TUFT1: variants seen among roughly 807,000 people sequenced by gnomAD.
TUFT1 encodes the protein tuftelin.
A neutral mutation model predicts 57.8 loss-of-function variants in TUFT1; 43 were observed. The ratio of observed to expected loss-of-function variants is 0.74; its 90% CI spans 0.58 to 0.96. The LOEUF (loss-of-function observed/expected upper bound fraction) is 0.96, where lower values mean the gene tolerates loss of function less well. Ranked by LOEUF, TUFT1 falls within the 40% of genes least tolerant of loss-of-function variation. TUFT1 has a pLI of 0.00. For synonymous variants in TUFT1, 166 were observed against 176.7 expected (o/e 0.94, Z 0.48); for missense variants, 459 against 489.0 (o/e 0.94, Z 0.58).
In TUFT1 at chr1:151,581,821, A is replaced by AGG; in HGVS notation, c.*115_*116dup. 8.9e-7 allele frequency: 1 copy of AGG among 1,123,442 alleles called. No individual in the cohort carries two copies. The highest frequency in any genetic ancestry group is 1.3e-6 in the Non-Finnish European group (1 of 756,224). 69.6% of individuals were successfully genotyped at this position (1,123,442 alleles called of 1,614,324 possible). A position where few individuals can be genotyped will look rare whatever the true frequency, so the allele number is the denominator to read the frequency against. ...TCCTGACTGTCCCCTGGCTGCACCC[A>AGG]GGACTTCGGGCTCCTGTGTCTCACC... On this transcript the variant is annotated 3_prime_UTR_variant, in exon 13 of 13. Transcript: ENST00000368849.
At chr1:151,552,298 G>C (rs1241071874) in intron 1 of TUFT1, among the ~76,000 whole-genome samples, 1 of 152,154 alleles carries the variant, frequency 6.6e-6, no homozygotes, top group African/African-American at 2.4e-5. Context: ...AAATGCTACT[G>C]TGAACTTTCT....
In TUFT1 at chr1:151,566,195, G is replaced by A. The variant is rs560759023; in HGVS notation, c.447G>A (p.Gln149=). 104 of 1,611,896 alleles carry A rather than the reference G, an allele frequency of 6.5e-5. No homozygotes were observed. The South Asian group carries it at 1.0e-3, about 16-fold the overall frequency. The change falls in exon 6 of 13, where the codon CAG becomes CAA. Residue 149 remains glutamine (Q), a synonymous_variant. Transcript: ENST00000368849. The stretch of plus-strand genomic sequence containing the variant: ...TAGAAAAGCCAAATGGCTTTAGTCA[G>A]AGTCCCACAGCCCTGTACAGCAGCC... ...VVLEKPNGFS[Q]SPTALYSSPP... is the part of the protein sequence containing the mutation.
rs1440141716 is a variant in TUFT1, at chr1:151,583,134, A to G, written c.*1427A>G. The G allele has an allele frequency of 3.3e-5, 5 of 152,068 alleles. No individual in the cohort carries two copies. The highest frequency in any genetic ancestry group is 2.6e-4 in the Admixed American group (4 of 15,262). 9.4% of individuals were successfully genotyped at this position (152,068 alleles called of 1,614,324 possible). ...TTTTTAGTAGAGATGGGGTTTCACC[A>G]TACTGGCTAGGCTGGTCTCGAATTC... On this transcript the variant is annotated 3_prime_UTR_variant, in exon 13 of 13. Transcript: ENST00000368849.
intron 1 of TUFT1, among the ~76,000 whole-genome samples, chr1:151,560,391 G>C (rs1665846463): frequency 2.6e-5 from 4 of 152,106 alleles, no homozygotes. Context: ...ACTCCAGCCT[G>C]GGAGACAAGA....
intron 1 of TUFT1, chr1:151,561,460 TGCGCGC>T (rs113125642): frequency 0.047 from 17,789 of 382,374 alleles, 323 homozygotes; most frequent in African/African-American, 0.07. Flanking sequence ...GCTGCAGTCA[TGCGCGC>T]GCGCGCGCAC....
chr1:151,558,751 C>T (rs1322543068), intron 1 of TUFT1, among the ~76,000 whole-genome samples: 1 of 151,858 alleles, frequency 6.6e-6, no homozygotes, highest in African/African-American at 2.4e-5. Context: ...CCCAGCCTGC[C>T]TCCATAGAAC....
intron 7 of TUFT1, among the ~76,000 whole-genome samples, chr1:151,570,951 C>A (rs1397790963): frequency 6.6e-6 from 1 of 152,224 alleles, no homozygotes; most frequent in South Asian, 2.1e-4. Context: ...AAGCAGTCTG[C>A]GTGCCTTAGC....
intron 1 of TUFT1, among the ~76,000 whole-genome samples, chr1:151,558,809 G>C (rs1019803812): frequency 6.6e-6 from 1 of 151,116 alleles, no homozygotes; most frequent in Non-Finnish European, 1.5e-5. Context: ...TTTTGAGACG[G>C]AGTCTTGCTC....
In TUFT1 at chr1:151,582,296, G is replaced by A. The variant is rs1299624252; in HGVS notation, c.*589G>A. On this transcript the variant is annotated 3_prime_UTR_variant, in exon 13 of 13. Coordinates refer to ENST00000368849, the MANE Select transcript of TUFT1 (RefSeq NM_020127.3). Reference sequence around the variant, plus strand: ...CAGTGAACCTAAGCTTTGACTGGGTGGCCTTGTCTTTCTGGGGAGGAGGGA... The same window carrying A: ...CAGTGAACCTAAGCTTTGACTGGGTAGCCTTGTCTTTCTGGGGAGGAGGGA... 8 of 443,020 alleles carry A rather than the reference G, an allele frequency of 1.8e-5. No individual in the cohort carries two copies. Among genetic ancestry groups the A allele is most frequent in the Non-Finnish European group, 3.6e-5 (8 of 220,108 alleles). The allele number at this position is 443,020 out of a possible 1,614,324, so 27.4% of individuals were successfully genotyped here. A position where few individuals can be genotyped will look rare whatever the true frequency, so the allele number is the denominator to read the frequency against.
chr1:151,581,125 G>C (rs1247495548), intron 12 of TUFT1, 83 bp downstream of exon 12: 1 of 1,307,060 alleles, frequency 7.7e-7, no homozygotes, highest in Non-Finnish European at 1.1e-6. Flanking sequence ...TTAGTGCTAA[G>C]GCAAGAACAA....
Position 151,574,999 on chromosome 1 carries a change from G to A in TUFT1, c.812G>A (p.Arg271Gln), listed in dbSNP as rs1183651288. 5 of 1,560,908 alleles carry A rather than the reference G, an allele frequency of 3.2e-6. No individual in the cohort carries two copies. Among genetic ancestry groups the A allele is most frequent in the East Asian group, 2.4e-5 (1 of 41,950 alleles). ...AACAATGCTGACTGCCAAGCAGAAC[G>A]AGAAAAGTAAGGGCTTGGCTCTTGT... The part of the protein sequence containing the change: ...RSNNADCQAE[R>Q]EKAATLEKEV... Residue 271 changes from arginine to glutamine, a missense_variant, in exon 9 of 13, where the codon CGA (arginine) becomes CAA (glutamine). Arg to Gln is a conservative substitution (Grantham distance 43). Coordinates refer to ENST00000368849, the MANE Select transcript of TUFT1 (RefSeq NM_020127.3).
At chr1:151,571,942 G>C (rs928287400) in intron 7 of TUFT1, among the ~76,000 whole-genome samples, 2 of 151,620 alleles carry the variant, frequency 1.3e-5, no homozygotes, top group African/African-American at 4.8e-5. Flanking sequence ...ACACCTGTGA[G>C]CCAGGAGGCC....
At chr1:151,574,537 C>G in intron 8 of TUFT1, 139 bp downstream of exon 8, 1 of 1,138,084 alleles carries the variant, frequency 8.8e-7, no homozygotes. Flanking sequence ...TTGGCAGATC[C>G]CTTGGAATAC....
chr1:151,566,355 T>C (rs1323041656), intron 6 of TUFT1, 127 bp downstream of exon 6: 15 of 738,424 alleles, frequency 2.0e-5, no homozygotes, highest in Middle Eastern at 5.0e-4. Flanking sequence ...GTAGTTGACA[T>C]AAAAATTCAA....
chr1:151,550,633 C>G (rs1045599344), intron 1 of TUFT1, among the ~76,000 whole-genome samples: 2 of 152,248 alleles, frequency 1.3e-5, no homozygotes, highest in Middle Eastern at 3.2e-3. Context: ...GCGTGAGCCA[C>G]CACACCTGGC....
At chr1:151,579,809 G>A in intron 11 of TUFT1, 77 bp downstream of exon 11, 1 of 1,408,934 alleles carries the variant, frequency 7.1e-7, no homozygotes, top group South Asian at 1.2e-5. Context: ...AGAGGTTATG[G>A]GAGGGGTCTT....
At chr1:151,540,648 C>T in intron 1 of TUFT1, 1 of 573,996 alleles carries the variant, frequency 1.7e-6, no homozygotes, top group South Asian at 2.1e-5. Context: ...GCGTCCCTGC[C>T]CTTTGGTAGG....
chr1:151,562,500 G>A, intron 2 of TUFT1, 85 bp from the exon 3 acceptor site: 1 of 1,178,662 alleles, frequency 8.5e-7, no homozygotes. Flanking sequence ...TTCTGCATTA[G>A]CTGAGGGGCA....
At chr1:151,561,515 C>T (rs1174644073) in intron 1 of TUFT1, 1 of 926,712 alleles carries the variant, frequency 1.1e-6, no homozygotes, top group Non-Finnish European at 1.3e-6. Flanking sequence ...ACTTCTTTGA[C>T]TTATGAAAGA....
Sources: gnomAD v4.1 joint callset for allele counts (sites outside exome capture counted in the v4.1 genomes callset) on GRCh38, gnomAD v4.1.1 for gene constraint, MANE v1.5 for transcripts, NCBI Gene and HGNC (gene_info 2026-07-23, HGNC 2026-07-21) for gene names.